PDE7B: variants seen among roughly 807,000 people sequenced by gnomAD.
The protein encoded by PDE7B is phosphodiesterase 7B, also known as 3',5'-cyclic-AMP phosphodiesterase 7B.
In PDE7B, 29 loss-of-function variants were observed where a neutral mutation model predicts 56.2. The ratio of observed to expected loss-of-function variants is 0.52; its 90% CI spans 0.38 to 0.70. PDE7B has a LOEUF of 0.70. PDE7B is among the 30% of genes least tolerant of loss of function. PDE7B has a pLI of 0.00. For synonymous variants in PDE7B, 197 were observed against 196.9 expected (o/e 1.00, Z 0.00); for missense variants, 490 against 565.0 (o/e 0.87, Z 1.35).
At chr6:136,119,576 T>A (rs965283413) in intron 3 of PDE7B, among the ~76,000 whole-genome samples, 1 of 152,228 alleles carries the variant, frequency 6.6e-6, no homozygotes, top group African/African-American at 2.4e-5. Flanking sequence ...GCTACTTTGC[T>A]TGTCATTTTA....
chr6:135,933,521 A>G (rs9376166), intron 1 of PDE7B, among the ~76,000 whole-genome samples: 42,583 of 152,152 alleles, frequency 0.28, 7,357 homozygotes, highest in Admixed American at 0.46. Flanking sequence ...GCCCTTAAAT[A>G]AGCTGGTAGG....
intron 3 of PDE7B, among the ~76,000 whole-genome samples, chr6:136,120,949 C>G (rs1777923559): frequency 6.6e-6 from 1 of 152,180 alleles, no homozygotes; most frequent in African/African-American, 2.4e-5. Context: ...GTCCACATCT[C>G]CCTTAGCAAT....
At chr6:136,141,144 G>A (rs1218984224) in intron 3 of PDE7B, among the ~76,000 whole-genome samples, 6 of 151,958 alleles carry the variant, frequency 3.9e-5, no homozygotes, top group Non-Finnish European at 7.4e-5. Flanking sequence ...CGTCCCATCA[G>A]TACCTAATTT....
intron 9 of PDE7B, among the ~76,000 whole-genome samples, chr6:136,175,866 C>T (rs1424856154): frequency 2.0e-5 from 3 of 152,172 alleles, no homozygotes; most frequent in South Asian, 2.1e-4. Context: ...TTCTAAAAGG[C>T]TGTATCTACC....
chr6:136,181,194 C>T (rs1256288034), intron 10 of PDE7B, 33 bp from the exon 11 acceptor site: 1 of 1,514,750 alleles, frequency 6.6e-7, no homozygotes, highest in East Asian at 2.3e-5. Context: ...AGAACATCCT[C>T]TCACAATTTC....
intron 1 of PDE7B, among the ~76,000 whole-genome samples, chr6:135,914,397 C>T (rs911776479): frequency 2.1e-4 from 31 of 150,498 alleles, no homozygotes; most frequent in Non-Finnish European, 4.0e-4. Context: ...ACGTGAACTG[C>T]TTTCTGTCCC....
At chr6:136,056,783 C>T (rs904294848) in intron 2 of PDE7B, among the ~76,000 whole-genome samples, 2 of 151,970 alleles carry the variant, frequency 1.3e-5, no homozygotes, top group Non-Finnish European at 1.5e-5. Context: ...CCACCTGCCT[C>T]GGCCTCCCAA....
At chr6:135,889,440 A>ATTTTT (rs11440304) in intron 1 of PDE7B, among the ~76,000 whole-genome samples, 14 of 103,380 alleles carry the variant, frequency 1.4e-4, no homozygotes, top group Admixed American at 1.0e-4. Context: ...GGTGCTACCA[A>ATTTTT]TTTTTTTTTT....
chr6:136,076,995 A>G lies in PDE7B; in HGVS notation c.83-31736A>G, dbSNP rs1033327577. Among the ~76,000 whole-genome samples the G allele has an allele frequency of 5.3e-5, 8 of 151,340 alleles. No homozygotes were observed. The East Asian group carries it at 1.6e-3, about 30-fold the overall frequency. On this transcript the variant is annotated intron_variant, in intron 2 of 12. Coordinates refer to ENST00000308191, the MANE Select transcript of PDE7B (RefSeq NM_018945.4). ...ATAAGTGAAGGTAAGAATACACCAT[A>G]TGCGGGTATGCAAGATGTCAATTTC...
At chr6:136,045,408 C>T (rs1776485250) in intron 2 of PDE7B, among the ~76,000 whole-genome samples, 1 of 152,164 alleles carries the variant, frequency 6.6e-6, no homozygotes, top group South Asian at 2.1e-4. Flanking sequence ...TTATTAGAGG[C>T]CCCTTCTTCT....
intron 2 of PDE7B, among the ~76,000 whole-genome samples, chr6:136,062,268 T>C (rs2128212764): frequency 6.6e-6 from 1 of 152,192 alleles, no homozygotes; most frequent in East Asian, 1.9e-4. Flanking sequence ...GTAGACAACA[T>C]GATGTTTTAA....
chr6:135,924,330 T>C (rs1223802859), intron 1 of PDE7B, among the ~76,000 whole-genome samples: 2 of 152,204 alleles, frequency 1.3e-5, no homozygotes, highest in African/African-American at 2.4e-5. Flanking sequence ...TACCATATGG[T>C]AGAGCTTTGA....
chr6:135,956,854 AG>A (rs1237557437), intron 2 of PDE7B, among the ~76,000 whole-genome samples: 3 of 151,900 alleles, frequency 2.0e-5, no homozygotes, highest in African/African-American at 7.3e-5. Context: ...GAAAGAAAGA[AG>A]AAAAGAAAGA....
At chr6:136,091,193 T>C (rs917167200) in intron 2 of PDE7B, among the ~76,000 whole-genome samples, 1 of 152,150 alleles carries the variant, frequency 6.6e-6, no homozygotes, top group Non-Finnish European at 1.5e-5. Flanking sequence ...CTGTAAAAAA[T>C]ATGCCCAGAT....
chr6:136,098,033 A>T (rs572310311), intron 2 of PDE7B: 1 of 151,726 alleles, frequency 6.6e-6, no homozygotes, highest in African/African-American at 2.4e-5. Flanking sequence ...CAGCTCTCAG[A>T]TCAAACATCA....
At chr6:136,068,521 C>G (rs981211006) in intron 2 of PDE7B, among the ~76,000 whole-genome samples, 1 of 150,002 alleles carries the variant, frequency 6.7e-6, no homozygotes, top group Non-Finnish European at 1.5e-5. Context: ...AGCTCCGCCT[C>G]CCGGGTTCAC....
rs149074948 is a variant in PDE7B, at chr6:135,930,074, C to A, written c.22-17390C>A. The stretch of plus-strand genomic sequence containing the variant: ...TGATAAAGACATACCCGAGACTGGG[C>A]AAATTACAAAAGAAAGAGGTTTAAT... On this transcript the variant is annotated intron_variant, in intron 1 of 12. Transcript: ENST00000308191. Among the ~76,000 whole-genome samples the A allele has an allele frequency of 1.6e-4, 24 of 152,168 alleles. No individual in the cohort carries two copies. The East Asian group carries it at 4.1e-3, about 26-fold the overall frequency.
At chr6:136,110,345 C>CT (rs1476477430) in intron 3 of PDE7B, among the ~76,000 whole-genome samples, 1 of 152,126 alleles carries the variant, frequency 6.6e-6, no homozygotes, top group Non-Finnish European at 1.5e-5. Flanking sequence ...TTGACAGTCT[C>CT]TAGACTGAGT....
chr6:135,980,914 C>A (rs1469171199), intron 2 of PDE7B, among the ~76,000 whole-genome samples: 9 of 147,654 alleles, frequency 6.1e-5, no homozygotes, highest in Non-Finnish European at 1.0e-4. Flanking sequence ...TACCATTTGA[C>A]CCAGCCATCC....
Sources: allele counts gnomAD v4.1 joint callset (sites outside exome capture counted in the v4.1 genomes callset), GRCh38; gene constraint gnomAD v4.1.1; transcripts MANE v1.5; gene names NCBI Gene and HGNC (gene_info 2026-07-23, HGNC 2026-07-21).